Variants in NR5A2 observed in about 807,000 individuals in gnomAD.
NR5A2 encodes CYP7A promoter-binding factor.
NR5A2 carries 26 observed loss-of-function variants against 62.7 expected under a neutral mutation model. That is an observed-to-expected ratio of 0.41 (90% CI 0.30 to 0.58). The LOEUF (loss-of-function observed/expected upper bound fraction) is 0.58. Ranked by LOEUF, NR5A2 falls within the 20% of genes least tolerant of loss-of-function variation. The pLI is 0.22. For missense variants in NR5A2, 541 were observed against 669.1 expected (o/e 0.81, Z 2.11); for synonymous variants, 246 against 241.7 (o/e 1.02, Z -0.16).
rs144911451 is a variant in NR5A2, at chr1:200,073,322, T to TTA, written c.1110+24520_1110+24521dup. Among the ~76,000 whole-genome samples, 288 of 36,388 alleles carry TTA rather than the reference T, an allele frequency of 7.9e-3. 4 individuals carry two copies. Among genetic ancestry groups the TTA allele is most frequent in the African/African-American group, 0.022 (200 of 9,160 alleles). The allele number at this position is 36,388 out of a possible 152,430, so 23.9% of individuals were successfully genotyped here. On this transcript the variant is annotated intron_variant, in intron 5 of 7. Transcript: ENST00000367362. ...TTTATATATATATATATATTCCCCT[T>TTA]TATATATATATATATATTCCCCTTT...
chr1:200,112,518 G>T (rs1320347777), intron 6 of NR5A2, among the ~76,000 whole-genome samples: 1 of 152,144 alleles, frequency 6.6e-6, no homozygotes, highest in East Asian at 1.9e-4. Context: ...ATGCTATTTG[G>T]AAATGAAGGG....
intron 7 of NR5A2, among the ~76,000 whole-genome samples, chr1:200,126,683 ATTTTT>A (rs3034021): frequency 6.9e-6 from 1 of 144,930 alleles, no homozygotes; most frequent in Non-Finnish European, 1.5e-5. Flanking sequence ...TATGAAGGGG[ATTTTT>A]TTTTTTTTTT....
At chr1:200,156,972 C>T (rs1653419415) in intron 7 of NR5A2, among the ~76,000 whole-genome samples, 1 of 152,122 alleles carries the variant, frequency 6.6e-6, no homozygotes, top group Non-Finnish European at 1.5e-5. Context: ...CTTAACAGAG[C>T]CGCTCTCTGT....
intron 5 of NR5A2, among the ~76,000 whole-genome samples, chr1:200,107,529 T>C (rs538283609): frequency 6.6e-6 from 1 of 152,274 alleles, no homozygotes; most frequent in Admixed American, 6.5e-5. Flanking sequence ...ACAGACAGGC[T>C]CAATTTCACC....
chr1:200,088,843 A>G (rs151216820), intron 5 of NR5A2, among the ~76,000 whole-genome samples: 148 of 152,174 alleles, frequency 9.7e-4, no homozygotes, highest in African/African-American at 3.3e-3. Context: ...AAACATCATC[A>G]AGGAGCTTAG....
At chr1:200,118,021 T>TTC (rs1213888010) in intron 6 of NR5A2, among the ~76,000 whole-genome samples, 20 of 130,882 alleles carry the variant, frequency 1.5e-4, no homozygotes, top group South Asian at 2.4e-4. Flanking sequence ...GCCTTTTTCT[T>TTC]TTTTTTTTTT....
chr1:200,055,704 A>C (rs1662883977), intron 5 of NR5A2, among the ~76,000 whole-genome samples: 1 of 152,226 alleles, frequency 6.6e-6, no homozygotes, highest in Admixed American at 6.5e-5. Flanking sequence ...GATGCAAAGT[A>C]GCTAATCTGG....
At chr1:200,156,429 ACT>A (rs2102372457) in intron 7 of NR5A2, among the ~76,000 whole-genome samples, 1 of 152,226 alleles carries the variant, frequency 6.6e-6, no homozygotes, top group South Asian at 2.1e-4. Flanking sequence ...ACGGAGTCTC[ACT>A]CTGTCACCCA....
chr1:200,076,703 A>G (rs1346700574), intron 5 of NR5A2, among the ~76,000 whole-genome samples: 1 of 152,192 alleles, frequency 6.6e-6, no homozygotes, highest in East Asian at 1.9e-4. Flanking sequence ...GTAGGTACAG[A>G]GTTGCCATTT....
At chr1:200,169,956 A>C (rs1030633282) in intron 7 of NR5A2, among the ~76,000 whole-genome samples, 8 of 152,196 alleles carry the variant, frequency 5.3e-5, no homozygotes. Flanking sequence ...TTTATCTCAT[A>C]TCCATCTCTT....
chr1:200,121,947 G>T (rs1666497243), intron 7 of NR5A2, among the ~76,000 whole-genome samples: 1 of 152,146 alleles, frequency 6.6e-6, no homozygotes, highest in African/African-American at 2.4e-5. Flanking sequence ...TTCTTGACAG[G>T]ACTGCACAAC....
chr1:200,118,306 C>T (rs188752065), intron 6 of NR5A2, among the ~76,000 whole-genome samples: 13 of 152,250 alleles, frequency 8.5e-5, no homozygotes, highest in East Asian at 1.9e-4. Context: ...AGTGAGCCAC[C>T]GCACCTGGAT....
rs183273027 is a variant in NR5A2 at position 200,044,951 on chromosome 1, G to A, written c.322-492G>A. Among the ~76,000 whole-genome samples the A allele has an allele frequency of 3.3e-3, 493 of 149,688 alleles. 2 individuals carry two copies. The highest frequency in any genetic ancestry group is 5.5e-3 in the Non-Finnish European group (372 of 67,578). ...CCCATTTTACTCTTTAAATCCTTTT[G>A]CTTTTAACTATCCAGTGTTGACATT... On this transcript the variant is annotated intron_variant, in intron 3 of 7. Transcript: ENST00000367362.
At position 200,147,917 on chromosome 1, in the gene NR5A2, T is replaced by C; in HGVS notation, c.1379-26046T>C. The C allele has an allele frequency of 2.5e-6, 1 of 393,198 alleles. No individual in the cohort carries two copies. The highest frequency in any genetic ancestry group is 4.7e-6 in the Non-Finnish European group (1 of 211,380). The allele number at this position is 393,198 out of a possible 1,614,324, so 24.4% of individuals were successfully genotyped here. ...CGCGGGGAGAAGCTGCGGGCTGTGA[T>C]GTGGTGCAGCGCTTCGCCGGTGTTG... On this transcript the variant is annotated intron_variant, in intron 7 of 7. Coordinates refer to ENST00000367362, the MANE Select transcript of NR5A2 (RefSeq NM_205860.3). This position sits in a 1 kb window ranked among gnomAD's most constrained non-coding sequence, Gnocchi z 4.9.
intron 7 of NR5A2, among the ~76,000 whole-genome samples, chr1:200,165,238 C>A (rs186115736): frequency 1.2e-3 from 177 of 152,074 alleles, no homozygotes; most frequent in African/African-American, 4.1e-3. Flanking sequence ...CCCACATAAC[C>A]CCTGCCCCGC....
At chr1:200,127,733 G>GATATATATATATATATATATATATATATA (rs1666789829) in intron 7 of NR5A2, among the ~76,000 whole-genome samples, 1 of 75,044 alleles carries the variant, frequency 1.3e-5, no homozygotes, top group African/African-American at 5.3e-5. Flanking sequence ...TATATATATG[G>GATATATATATATATATATATATATATATA]TATCCATCAG....
rs138615793 is a variant in NR5A2, at chr1:200,123,746, TTTAA to T, written c.1378+2794_1378+2797del. Among the ~76,000 whole-genome samples the T allele has an allele frequency of 8.4e-3, 820 of 97,288 alleles. 9 individuals are homozygous for T. Among genetic ancestry groups the T allele is most frequent in the African/African-American group, 0.022 (556 of 25,116 alleles). The allele number at this position is 97,288 out of a possible 152,430, so 63.8% of individuals were successfully genotyped here. A position where few individuals can be genotyped will look rare whatever the true frequency, so the allele number is the denominator to read the frequency against. ...AGAAGTTTTATTTTTATTTTACTTA[TTTAA>T]TTTTTTTTTTTTTTTGCTTTTATTC... On this transcript the variant is annotated intron_variant, in intron 7 of 7. Transcript: ENST00000367362.
At chr1:200,129,259 TACATACACAC>T (rs3833544) in intron 7 of NR5A2, among the ~76,000 whole-genome samples, 43,483 of 151,772 alleles carry the variant, frequency 0.29, 6,416 homozygotes, top group Admixed American at 0.35. Context: ...TACACACACA[TACATACACAC>T]ACACACTTCA....
chr1:200,047,584 C>CTTT (rs3066613), intron 4 of NR5A2, among the ~76,000 whole-genome samples: 1 of 148,308 alleles, frequency 6.7e-6, no homozygotes, highest in Non-Finnish European at 1.5e-5. Context: ...TATTTCTTTT[C>CTTT]TTTTTTTTGA....
Sources: allele counts gnomAD v4.1 joint callset (sites outside exome capture counted in the v4.1 genomes callset), GRCh38; gene constraint gnomAD v4.1.1; non-coding constraint Gnocchi (gnomAD v3.1); transcripts MANE v1.5; gene names NCBI Gene and HGNC (gene_info 2026-07-23, HGNC 2026-07-21).